The following CDH13 variants were observed in gnomAD, a reference collection of about 807,000 sequenced individuals.
CDH13 encodes the protein cadherin 13.
In CDH13, 24 loss-of-function variants were observed where a neutral mutation model predicts 63.8. The observed-to-expected ratio is 0.38, with a 90% CI of 0.27 to 0.53. The LOEUF is 0.53. CDH13 is among the 20% of genes least tolerant of loss of function. CDH13 has a pLI of 0.85. For synonymous variants in CDH13, 503 were observed against 355.3 expected (o/e 1.42, Z -4.67); for missense variants, 1,049 against 903.1 (o/e 1.16, Z -2.07).
intron 5 of CDH13, among the ~76,000 whole-genome samples, chr16:83,236,607 G>A (rs1333582252): frequency 6.6e-6 from 1 of 152,140 alleles, no homozygotes; most frequent in Non-Finnish European, 1.5e-5. Flanking sequence ...TCTGGAGACA[G>A]ATTCTGGCAT....
intron 6 of CDH13, among the ~76,000 whole-genome samples, chr16:83,395,778 A>G (rs1278659589): frequency 3.9e-5 from 6 of 152,100 alleles, no homozygotes; most frequent in Admixed American, 3.9e-4. Flanking sequence ...ATGGGAAGTT[A>G]TTTCACCTTT....
intron 4 of CDH13, among the ~76,000 whole-genome samples, chr16:83,146,350 A>C (rs1287996152): frequency 6.6e-6 from 1 of 152,240 alleles, no homozygotes; most frequent in African/African-American, 2.4e-5. Context: ...GGCTTATGCC[A>C]TGTAGGGGTT....
At chr16:83,145,233 A>G (rs1211610920) in intron 4 of CDH13, among the ~76,000 whole-genome samples, 1 of 152,172 alleles carries the variant, frequency 6.6e-6, no homozygotes, top group African/African-American at 2.4e-5. Context: ...GGTCGCTGAC[A>G]AACTCGGAGC....
chr16:83,281,040 G>C (rs1400397801), intron 5 of CDH13, among the ~76,000 whole-genome samples: 2 of 152,182 alleles, frequency 1.3e-5, no homozygotes, highest in African/African-American at 4.8e-5. Flanking sequence ...CCCCTAACCA[G>C]AGAGTCTGCC....
intron 2 of CDH13, among the ~76,000 whole-genome samples, chr16:82,887,255 C>G (rs1301051622): frequency 6.6e-6 from 1 of 152,116 alleles, no homozygotes; most frequent in Non-Finnish European, 1.5e-5. Flanking sequence ...TGTGTTGTGA[C>G]TACTACACAA....
At chr16:83,558,338 T>G (rs1384564931) in intron 7 of CDH13, among the ~76,000 whole-genome samples, 1 of 152,184 alleles carries the variant, frequency 6.6e-6, no homozygotes, top group East Asian at 1.9e-4. Context: ...CACAAACATC[T>G]ATGAAAGATA....
chr16:83,055,997 C>A (rs917390856), intron 3 of CDH13, among the ~76,000 whole-genome samples: 4 of 151,974 alleles, frequency 2.6e-5, no homozygotes, highest in African/African-American at 9.7e-5. Flanking sequence ...ACAACTCCTA[C>A]AAAAATATAA....
intron 8 of CDH13, among the ~76,000 whole-genome samples, chr16:83,670,294 C>T (rs151268934): frequency 1.5e-3 from 223 of 152,282 alleles, no homozygotes; most frequent in Middle Eastern, 0.01. Flanking sequence ...GGCAAGGCTG[C>T]GAGAACAAAT....
At chr16:83,472,849 G>A (rs550161531) in intron 6 of CDH13, among the ~76,000 whole-genome samples, 42 of 152,182 alleles carry the variant, frequency 2.8e-4, no homozygotes, top group African/African-American at 6.5e-4. Flanking sequence ...CAGAGGATAC[G>A]AGGGTGAATC....
chr16:83,033,734 A>G (rs1246195222), intron 3 of CDH13, among the ~76,000 whole-genome samples: 1 of 152,084 alleles, frequency 6.6e-6, no homozygotes, highest in African/African-American at 2.4e-5. Context: ...ACTTTTTGCT[A>G]CTACTGACTC....
chr16:83,102,265 G>A (rs924461288), intron 3 of CDH13, among the ~76,000 whole-genome samples: 5 of 152,222 alleles, frequency 3.3e-5, no homozygotes, highest in African/African-American at 9.6e-5. Flanking sequence ...CCCCAGAAAT[G>A]TAAGATAATA....
chr16:83,380,734 C>T (rs2091549804), intron 6 of CDH13, among the ~76,000 whole-genome samples: 1 of 152,120 alleles, frequency 6.6e-6, no homozygotes, highest in East Asian at 1.9e-4. Flanking sequence ...CCCAAAATTA[C>T]CTCTGCTTAC....
At chr16:82,968,365 T>C (rs7499660) in intron 2 of CDH13, among the ~76,000 whole-genome samples, 86,926 of 152,006 alleles carry the variant, frequency 0.57, 25,227 homozygotes, top group East Asian at 0.8. Context: ...GCCTCAGACC[T>C]AGTGGTCCAG....
Position 83,797,219 on chromosome 16 carries a change from A to T in CDH13, c.*2189A>T, listed in dbSNP as rs1221683522. ...CGGACACATATGCTAACTGGCAATC[A>T]GGAAGTCACCCTCCAATGTAAACTT... On this transcript the variant is annotated 3_prime_UTR_variant, in exon 14 of 14. Coordinates refer to ENST00000567109, the MANE Select transcript of CDH13 (RefSeq NM_001257.5). The T allele has an allele frequency of 1.3e-5, 2 of 152,282 alleles. No individual in the cohort carries two copies. 9.4% of individuals were successfully genotyped at this position (152,282 alleles called of 1,614,324 possible).
At chr16:83,482,132 G>A (rs574069255) in intron 6 of CDH13, among the ~76,000 whole-genome samples, 49 of 152,300 alleles carry the variant, frequency 3.2e-4, no homozygotes, top group African/African-American at 1.2e-3. Flanking sequence ...TTGCTCAGTT[G>A]TTCATTCTTC....
At chr16:83,536,653 G>A (rs1284185328) in intron 7 of CDH13, among the ~76,000 whole-genome samples, 1 of 152,198 alleles carries the variant, frequency 6.6e-6, no homozygotes, top group African/African-American at 2.4e-5. Context: ...ATACAGAGAT[G>A]CATCTTTGGA....
intron 3 of CDH13, among the ~76,000 whole-genome samples, chr16:83,058,281 G>T (rs1161038881): frequency 6.6e-6 from 1 of 152,054 alleles, no homozygotes; most frequent in African/African-American, 2.4e-5. Context: ...ACTGGATTTC[G>T]CTGCACTCAT....
Position 83,740,209 on chromosome 16 carries a change from C to T in CDH13, c.1539-7899C>T, listed in dbSNP as rs148258905. ...GAAAGTCAGGCAGGTCCAGATGGAT[C>T]CTCTAGGACCTTAGAGACCATGGTT... On this transcript the variant is annotated intron_variant, in intron 10 of 13. Coordinates refer to ENST00000567109, the MANE Select transcript of CDH13 (RefSeq NM_001257.5). Among the ~76,000 whole-genome samples the T allele has an allele frequency of 6.2e-3, 939 of 152,070 alleles. 2 individuals are homozygous for T. Among genetic ancestry groups the T allele is most frequent in the Middle Eastern group, 0.01 (3 of 294 alleles).
chr16:82,654,207 G>A (rs1238395327), intron 1 of CDH13, among the ~76,000 whole-genome samples: 1 of 152,140 alleles, frequency 6.6e-6, no homozygotes, highest in Non-Finnish European at 1.5e-5. Flanking sequence ...GAGATTCTGG[G>A]GAGACAGCAG....
Sources: gnomAD v4.1 joint callset for allele counts (sites outside exome capture counted in the v4.1 genomes callset) on GRCh38, gnomAD v4.1.1 for gene constraint, MANE v1.5 for transcripts, NCBI Gene and HGNC (gene_info 2026-07-23, HGNC 2026-07-21) for gene names.